The following LMCD1 variants were observed in gnomAD, a reference collection of about 807,000 sequenced individuals.
The protein encoded by LMCD1 is LIM and cysteine rich domains 1.
Under a neutral mutation model 42.7 loss-of-function variants are expected in LMCD1, and 32 were observed. That is an observed-to-expected ratio of 0.75 (90% confidence interval 0.57 to 1.01). The LOEUF is 1.01. LMCD1 is among the 50% of genes least tolerant of loss of function. The pLI is 0.00. For missense variants in LMCD1, 458 were observed against 483.1 expected (o/e 0.95, Z 0.49); for synonymous variants, 178 against 184.9 (o/e 0.96, Z 0.30).
At chr3:8,515,699 C>A (rs1447732821) in intron 1 of LMCD1, among the ~76,000 whole-genome samples, 2 of 152,038 alleles carry the variant, frequency 1.3e-5, no homozygotes, top group Non-Finnish European at 2.9e-5. Flanking sequence ...GGAAAGGCAT[C>A]AAAAGAGGTA....
chr3:8,533,792 T>G (rs1433916845), intron 2 of LMCD1, among the ~76,000 whole-genome samples: 3 of 152,106 alleles, frequency 2.0e-5, no homozygotes. Context: ...GGATTTGAAC[T>G]CAGATCTGCA....
Position 8,502,606 on chromosome 3 carries a change from ACG to A in LMCD1, c.42+628_42+629del, listed in dbSNP as rs202151986. 5.6e-3 allele frequency among the ~76,000 whole-genome samples: 743 copies of A among 131,720 alleles called. 28 individuals are homozygous for A. Among genetic ancestry groups the A allele is most frequent in the Admixed American group, 0.053 (657 of 12,468 alleles). 86.4% of individuals were successfully genotyped at this position (131,720 alleles called of 152,430 possible). A position where few individuals can be genotyped will look rare whatever the true frequency, so the allele number is the denominator to read the frequency against. ...CACACACACACACACACACACACAC[ACG>A]CACGCAGTTTCTTTAGTTGGTGATG... is the stretch of plus-strand genomic sequence containing the variant. On this transcript the variant is annotated intron_variant, in intron 1 of 5. Coordinates refer to ENST00000157600, the MANE Select transcript of LMCD1 (RefSeq NM_014583.4).
intron 3 of LMCD1, among the ~76,000 whole-genome samples, chr3:8,539,676 G>A (rs1694580284): frequency 6.6e-6 from 1 of 152,050 alleles, no homozygotes; most frequent in Non-Finnish European, 1.5e-5. Flanking sequence ...GATTAATGCT[G>A]GCTCATAAAA....
At chr3:8,502,466 C>A (rs1175718647) in intron 1 of LMCD1, among the ~76,000 whole-genome samples, 3 of 127,214 alleles carry the variant, frequency 2.4e-5, no homozygotes, top group African/African-American at 9.1e-5. Context: ...CTAGCTTCCT[C>A]ACTCCCTGTC....
At chr3:8,540,169 G>A (rs1183679263) in intron 3 of LMCD1, among the ~76,000 whole-genome samples, 1 of 152,032 alleles carries the variant, frequency 6.6e-6, no homozygotes, top group Non-Finnish European at 1.5e-5. Context: ...CTCATAGCTG[G>A]GAATTGACCA....
chr3:8,557,288 T>C (rs912664355), intron 4 of LMCD1, among the ~76,000 whole-genome samples: 7 of 152,190 alleles, frequency 4.6e-5, no homozygotes, highest in Non-Finnish European at 1.0e-4. Flanking sequence ...AAAGCAAAGA[T>C]GGTAAATAGT....
At chr3:8,543,554 C>G (rs1177583059) in intron 3 of LMCD1, among the ~76,000 whole-genome samples, 2 of 152,184 alleles carry the variant, frequency 1.3e-5, no homozygotes, top group African/African-American at 4.8e-5. Flanking sequence ...GTGATCACAG[C>G]TCACTATAAC....
intron 4 of LMCD1, among the ~76,000 whole-genome samples, chr3:8,553,615 G>T (rs546423662): frequency 6.6e-6 from 1 of 152,150 alleles, no homozygotes; most frequent in Non-Finnish European, 1.5e-5. Flanking sequence ...CCCTACTGAC[G>T]AGACGGGGCC....
At chr3:8,527,766 A>G (rs1461457856) in intron 1 of LMCD1, among the ~76,000 whole-genome samples, 1 of 152,234 alleles carries the variant, frequency 6.6e-6, no homozygotes, top group African/African-American at 2.4e-5. Context: ...TGATAGTACT[A>G]AGATACCACT....
At chr3:8,555,240 C>T (rs1442610896) in intron 4 of LMCD1, among the ~76,000 whole-genome samples, 2 of 151,626 alleles carry the variant, frequency 1.3e-5, no homozygotes, top group African/African-American at 4.8e-5. Context: ...GCTGGCGGCT[C>T]AGCCCAACTC....
chr3:8,546,195 A>G (rs1694732407), intron 3 of LMCD1, among the ~76,000 whole-genome samples: 1 of 152,198 alleles, frequency 6.6e-6, no homozygotes, highest in Non-Finnish European at 1.5e-5. Context: ...GGAGTGTCCA[A>G]TCTTTTGGCT....
intron 4 of LMCD1, chr3:8,551,085 T>A: frequency 1.0e-6 from 1 of 985,426 alleles, no homozygotes. Context: ...AAGCCTTTAT[T>A]GGTTGGGCTA....
intron 1 of LMCD1, among the ~76,000 whole-genome samples, chr3:8,504,386 A>G (rs1380865404): frequency 2.6e-5 from 4 of 152,258 alleles, no homozygotes; most frequent in Non-Finnish European, 5.9e-5. Context: ...AGACATTTTG[A>G]AACAATTTCA....
At chr3:8,509,068 G>A (rs1426065782) in intron 1 of LMCD1, among the ~76,000 whole-genome samples, 5 of 152,176 alleles carry the variant, frequency 3.3e-5, no homozygotes, top group South Asian at 2.1e-4. Flanking sequence ...ATAGCTCACC[G>A]TAGTTCTACA....
intron 4 of LMCD1, among the ~76,000 whole-genome samples, chr3:8,558,670 G>A (rs1293991706): frequency 6.6e-6 from 1 of 152,168 alleles, no homozygotes; most frequent in Non-Finnish European, 1.5e-5. Context: ...GACCATACTA[G>A]CTCCTTAATA....
chr3:8,505,040 G>T (rs888660970), intron 1 of LMCD1, among the ~76,000 whole-genome samples: 2 of 152,166 alleles, frequency 1.3e-5, no homozygotes, highest in African/African-American at 2.4e-5. Context: ...TCCCAAGATG[G>T]CTGTGATAAT....
At chr3:8,515,688 C>A (rs1038147741) in intron 1 of LMCD1, among the ~76,000 whole-genome samples, 7 of 151,912 alleles carry the variant, frequency 4.6e-5, no homozygotes, top group Non-Finnish European at 8.8e-5. Flanking sequence ...AAATAGGAGA[C>A]GGAAAGGCAT....
Position 8,532,751 on chromosome 3 carries a change from G to C in LMCD1, c.57G>C (p.Gln19His), listed in dbSNP as rs893301803. Residue 19 changes from glutamine to histidine, a missense_variant, in exon 2 of 6, where the codon CAG (glutamine) becomes CAC (histidine). Transcript: ENST00000157600. The part of the protein sequence containing the change: ...NPGVKKMSLG[Q>H]LQSARGVACL... Reference sequence around the variant, plus strand: ...TCCTTTTCCAGATGTCCCTGGGCCAGCTGCAGTCAGCAAGAGGTGTGGCAT... The same window carrying C: ...TCCTTTTCCAGATGTCCCTGGGCCACCTGCAGTCAGCAAGAGGTGTGGCAT... 6.2e-7 allele frequency: 1 copy of C among 1,613,574 alleles called. No homozygotes were observed. Among genetic ancestry groups the C allele is most frequent in the Non-Finnish European group, 8.5e-7 (1 of 1,179,782 alleles).
intron 1 of LMCD1, among the ~76,000 whole-genome samples, chr3:8,512,239 A>T (rs2125011814): frequency 6.6e-6 from 1 of 152,366 alleles, no homozygotes; most frequent in Non-Finnish European, 1.5e-5. Context: ...TTGGTTAACA[A>T]GATCTGGAAT....
Sources: allele counts gnomAD v4.1 joint callset (sites outside exome capture counted in the v4.1 genomes callset), GRCh38; gene constraint gnomAD v4.1.1; transcripts MANE v1.5; gene names NCBI Gene and HGNC (gene_info 2026-07-23, HGNC 2026-07-21).